The following CA12 variants were observed in gnomAD, a reference collection of about 807,000 sequenced individuals.
CA12 encodes carbonic anhydrase 12.
In CA12, 36 loss-of-function variants were observed where a neutral mutation model predicts 46.8. The observed-to-expected ratio is 0.77, with a 90% confidence interval of 0.59 to 1.02. The LOEUF (loss-of-function observed/expected upper bound fraction) is 1.02, where lower values mean the gene tolerates loss of function less well. Among genes scored for constraint, CA12 ranks in the 50% least tolerant of loss-of-function variants. The probability of loss-of-function intolerance (pLI) is 0.00; values close to 1 mark genes in which losing one functional copy is unlikely to be tolerated. For synonymous variants in CA12, 202 were observed against 187.0 expected, an observed-to-expected ratio of 1.08 and a Z score of -0.65; for missense variants, 436 against 451.4, an observed-to-expected ratio of 0.97 and a Z score of 0.31.
chr15:63,352,841 T>C (rs936470285), intron 2 of CA12, among the ~76,000 whole-genome samples: 1 of 152,236 alleles, frequency 6.6e-6, no homozygotes, highest in Non-Finnish European at 1.5e-5. Context: ...TGTGTATCTA[T>C]ATGAAAATGA....
At chr15:63,343,516 G>A (rs536361947) in intron 4 of CA12, among the ~76,000 whole-genome samples, 13 of 151,830 alleles carry the variant, frequency 8.6e-5, no homozygotes, top group African/African-American at 2.7e-4. Context: ...CCTGACCTCC[G>A]GTGATCCACC....
At chr15:63,359,174 T>G (rs1194611287) in intron 2 of CA12, among the ~76,000 whole-genome samples, 1 of 152,182 alleles carries the variant, frequency 6.6e-6, no homozygotes, top group East Asian at 1.9e-4. Flanking sequence ...CCAGACCACC[T>G]GCCTGCTGGC....
chr15:63,365,644 T>C (rs1313610524), intron 2 of CA12, among the ~76,000 whole-genome samples: 2 of 152,234 alleles, frequency 1.3e-5, no homozygotes, highest in Admixed American at 6.5e-5. Flanking sequence ...ATTGCAATGT[T>C]GGGTATCTAC....
In CA12 at chr15:63,339,512, C is replaced by T. The variant is rs2039048067; in HGVS notation, c.748-567G>A. Among the ~76,000 whole-genome samples, 1 of 152,214 alleles carries T rather than the reference C, an allele frequency of 6.6e-6. No homozygotes were observed. Among genetic ancestry groups the T allele is most frequent in the Non-Finnish European group, 1.5e-5 (1 of 68,034 alleles). ...CACATGTTTCATCCATCTCTTGGTTCATCATGTCCTCATTCCTGTCCACCC... is the reference window on the plus strand; with the variant it reads ...CACATGTTTCATCCATCTCTTGGTTTATCATGTCCTCATTCCTGTCCACCC... On this transcript the variant is annotated intron_variant, in intron 7 of 10. Coordinates refer to ENST00000178638, the MANE Select transcript of CA12 (RefSeq NM_001218.5). The surrounding 1 kb of genome is among the most constrained non-coding windows in gnomAD (Gnocchi z 4.3).
At position 63,339,580 on chromosome 15, in the gene CA12, G is replaced by C. The variant is rs925083801; in HGVS notation, c.748-635C>G. On this transcript the variant is annotated intron_variant, in intron 7 of 10. Coordinates refer to ENST00000178638, the MANE Select transcript of CA12 (RefSeq NM_001218.5). The surrounding 1 kb of genome is among the most constrained non-coding windows in gnomAD (Gnocchi z 4.3). ...AGGTGACTCAGAGCAGAAGCTTACT[G>C]TAAAGAGGAGCAGCTGTGAGGCTGC... Among the ~76,000 whole-genome samples the C allele has an allele frequency of 6.6e-6, 1 of 152,240 alleles. No homozygotes were observed. Among genetic ancestry groups the C allele is most frequent in the Non-Finnish European group, 1.5e-5 (1 of 68,040 alleles).
chr15:63,367,659 A>G (rs901084567), intron 2 of CA12, among the ~76,000 whole-genome samples: 8 of 152,230 alleles, frequency 5.3e-5, no homozygotes, highest in African/African-American at 1.9e-4. Context: ...GTCACGAGTT[A>G]ATAATTGCAA....
At chr15:63,332,629 C>T (rs549848956) in intron 8 of CA12, among the ~76,000 whole-genome samples, 16 of 152,340 alleles carry the variant, frequency 1.1e-4, no homozygotes, top group African/African-American at 3.8e-4. Flanking sequence ...AGGCAACTTC[C>T]TCCCAGACCT....
At chr15:63,365,411 A>G (rs923839176) in intron 2 of CA12, among the ~76,000 whole-genome samples, 1 of 152,222 alleles carries the variant, frequency 6.6e-6, no homozygotes, top group African/African-American at 2.4e-5. Flanking sequence ...GAGGGAGTTA[A>G]GAGGCCCAAG....
intron 2 of CA12, among the ~76,000 whole-genome samples, chr15:63,366,184 G>A (rs973922230): frequency 6.7e-6 from 1 of 148,918 alleles, no homozygotes; most frequent in African/African-American, 2.5e-5. Flanking sequence ...TCCCTGCTGT[G>A]TCTAGAACGA....
At chr15:63,342,384 G>A (rs2039090589) in intron 4 of CA12, among the ~76,000 whole-genome samples, 1 of 152,184 alleles carries the variant, frequency 6.6e-6, no homozygotes, top group South Asian at 2.1e-4. Context: ...TCAAATTGGA[G>A]GCTTCCAGGA....
At chr15:63,379,275 T>C (rs2039614795) in intron 1 of CA12, among the ~76,000 whole-genome samples, 1 of 151,956 alleles carries the variant, frequency 6.6e-6, no homozygotes, top group Non-Finnish European at 1.5e-5. Context: ...GAAGCGGCGT[T>C]GTAAGTGAGG....
intron 2 of CA12, among the ~76,000 whole-genome samples, chr15:63,352,329 A>T (rs1221964479): frequency 1.3e-5 from 2 of 152,220 alleles, no homozygotes; most frequent in Non-Finnish European, 2.9e-5. Context: ...AGTGCTGGGA[A>T]TACAGGCGCG....
In CA12 at chr15:63,374,180, C is replaced by T. The variant is rs998458555; in HGVS notation, c.106+1478G>A. 6.6e-6 allele frequency among the ~76,000 whole-genome samples: 1 copy of T among 152,104 alleles called. No individual in the cohort carries two copies. The highest frequency in any genetic ancestry group is 1.5e-5 in the Non-Finnish European group (1 of 68,018). ...ACCCTCCACACCTCCCCTGTTTGACCCAGCCTATCTCTCTGACCTTAGAGC... is the reference window on the plus strand; with the variant it reads ...ACCCTCCACACCTCCCCTGTTTGACTCAGCCTATCTCTCTGACCTTAGAGC... On this transcript the variant is annotated intron_variant, in intron 2 of 10. Coordinates refer to ENST00000178638, the MANE Select transcript of CA12 (RefSeq NM_001218.5). The surrounding 1 kb of genome is among the most constrained non-coding windows in gnomAD (Gnocchi z 4.4).
chr15:63,353,716 A>T (rs2039262375), intron 2 of CA12, among the ~76,000 whole-genome samples: 1 of 151,850 alleles, frequency 6.6e-6, no homozygotes, highest in South Asian at 2.1e-4. Context: ...TGCATGTAAA[A>T]GCCATTTTTT....
chr15:63,340,492 G>C lies in CA12; in HGVS notation c.590-47C>G, dbSNP rs763038287. The C allele has an allele frequency of 3.7e-5, 59 of 1,609,332 alleles. No individual in the cohort carries two copies. In the South Asian group the frequency reaches 6.4e-4, roughly 17 times the overall value. On this transcript the variant is annotated intron_variant, in intron 6 of 10. Coordinates refer to ENST00000178638, the MANE Select transcript of CA12 (RefSeq NM_001218.5). The surrounding 1 kb of genome is among the most constrained non-coding windows in gnomAD (Gnocchi z 4.4). Reference sequence around the variant, plus strand: ...GTGATAGTGTCAGCCTCCCTCCGTAGGGCATAAGTGCAGCTGAACAGAGCG... The same window carrying C: ...GTGATAGTGTCAGCCTCCCTCCGTACGGCATAAGTGCAGCTGAACAGAGCG...
rs1197417198 is a variant in CA12 at position 63,330,686 on chromosome 15, G to A, written c.875-2556C>T. On this transcript the variant is annotated intron_variant, in intron 8 of 10. Transcript: ENST00000178638. The surrounding 1 kb of genome is among the most constrained non-coding windows in gnomAD (Gnocchi z 4.0). ...TATGGAGAGCAAGGCCCCAGCAAGG[G>A]TGGGGCTTTTCTCAGGGCACATGCC... 7.4e-6 allele frequency among the ~76,000 whole-genome samples: 1 copy of A among 134,972 alleles called. No homozygotes were observed. Among genetic ancestry groups the A allele is most frequent in the Non-Finnish European group, 1.8e-5 (1 of 56,674 alleles). 88.5% of individuals were successfully genotyped at this position (134,972 alleles called of 152,430 possible).
intron 2 of CA12, among the ~76,000 whole-genome samples, chr15:63,351,268 TG>T (rs1381325344): frequency 2.6e-5 from 4 of 152,276 alleles, no homozygotes; most frequent in African/African-American, 9.6e-5. Context: ...CATGCTTCCA[TG>T]GGTTAGGCCC....
chr15:63,332,339 C>T (rs1257241351), intron 8 of CA12, among the ~76,000 whole-genome samples: 3 of 152,210 alleles, frequency 2.0e-5, no homozygotes, highest in Admixed American at 1.3e-4. Flanking sequence ...ACAAAGAAAT[C>T]TGCCAACAAG....
rs1455472052 is a variant in CA12 at position 63,372,164 on chromosome 15, A to G, written c.106+3494T>C. ...AGGCTGGAGTTTGTCCTTAGCTCAC[A>G]TGACAACCTGACCTGCAGCTGTCCT... On this transcript the variant is annotated intron_variant, in intron 2 of 10. Transcript: ENST00000178638. The surrounding 1 kb of genome is among the most constrained non-coding windows in gnomAD (Gnocchi z 4.5). Among the ~76,000 whole-genome samples the G allele has an allele frequency of 2.0e-5, 3 of 152,154 alleles. No individual in the cohort carries two copies. Among genetic ancestry groups the G allele is most frequent in the Admixed American group, 1.3e-4 (2 of 15,282 alleles).
Sources: gnomAD v4.1 joint callset for allele counts (sites outside exome capture counted in the v4.1 genomes callset) on GRCh38, gnomAD v4.1.1 for gene constraint, Gnocchi (gnomAD v3.1) non-coding constraint, MANE v1.5 for transcripts, NCBI Gene and HGNC (gene_info 2026-07-23, HGNC 2026-07-21) for gene names.